Variants in DAB1 observed in about 807,000 individuals in gnomAD.
DAB1 encodes the protein DAB adaptor protein 1, also known as disabled homolog 1.
A neutral mutation model predicts 64.6 loss-of-function variants in DAB1; 15 were observed. The observed-to-expected ratio is 0.23, with a 90% CI of 0.16 to 0.36. DAB1 has a LOEUF of 0.36. Among genes scored for constraint, DAB1 ranks in the 10% least tolerant of loss-of-function variants. The pLI, the probability that DAB1 is intolerant of heterozygous loss-of-function variation, is 1.00. For missense variants in DAB1, 596 were observed against 706.7 expected (o/e 0.84, Z 1.78); for synonymous variants, 235 against 251.9 (o/e 0.93, Z 0.64).
chr1:58,214,214 T>C (rs1334361813), intron 4 of DAB1, among the ~76,000 whole-genome samples: 1 of 152,200 alleles, frequency 6.6e-6, no homozygotes, highest in Non-Finnish European at 1.5e-5. Context: ...AGTCTTTATT[T>C]GGACTATTCT....
chr1:57,033,941 G>A (rs564954557), intron 9 of DAB1, among the ~76,000 whole-genome samples: 13 of 152,290 alleles, frequency 8.5e-5, no homozygotes, highest in Non-Finnish European at 1.8e-4. Context: ...AAACTTTACA[G>A]CTGGTTTCCA....
intron 5 of DAB1, among the ~76,000 whole-genome samples, chr1:58,075,269 C>G (rs978591075): frequency 6.6e-6 from 1 of 152,108 alleles, no homozygotes; most frequent in African/African-American, 2.4e-5. Context: ...AAAGTCTGTT[C>G]AAAAATACTC....
chr1:57,072,548 A>G (rs556349604), intron 4 of DAB1, 134 bp from the exon 5 acceptor site: 15 of 841,540 alleles, frequency 1.8e-5, no homozygotes, highest in Non-Finnish European at 2.5e-5. Flanking sequence ...CCAGATGGAA[A>G]GAAAAAGAGC....
At chr1:57,927,955 C>T (rs555790986) in intron 5 of DAB1, among the ~76,000 whole-genome samples, 62 of 152,258 alleles carry the variant, frequency 4.1e-4, no homozygotes, top group Middle Eastern at 3.4e-3. Flanking sequence ...ATCCACCAAT[C>T]CATGTTATTT....
intron 3 of DAB1, among the ~76,000 whole-genome samples, chr1:58,399,797 T>C (rs1332165182): frequency 6.6e-6 from 1 of 152,108 alleles, no homozygotes; most frequent in Non-Finnish European, 1.5e-5. Context: ...AAATGGAGGC[T>C]CAAAGTGGTG....
chr1:57,109,441 G>T (rs950585846), intron 4 of DAB1, among the ~76,000 whole-genome samples: 1 of 152,100 alleles, frequency 6.6e-6, no homozygotes, highest in Non-Finnish European at 1.5e-5. Flanking sequence ...AACAAACATG[G>T]CTCTCTTCCA....
chr1:57,343,167 CAG>C (rs1219636465), intron 1 of DAB1, among the ~76,000 whole-genome samples: 1 of 152,120 alleles, frequency 6.6e-6, no homozygotes, highest in Non-Finnish European at 1.5e-5. Context: ...TAGCTAGATA[CAG>C]AGTGTCCACA....
intron 7 of DAB1, among the ~76,000 whole-genome samples, chr1:57,599,214 T>C (rs1309495627): frequency 6.6e-6 from 1 of 151,274 alleles, no homozygotes; most frequent in Non-Finnish European, 1.5e-5. Flanking sequence ...TGAAGCTTAA[T>C]AATTTTTTTC....
chr1:57,060,720 G>C (rs1650302973), intron 9 of DAB1, among the ~76,000 whole-genome samples: 1 of 152,072 alleles, frequency 6.6e-6, no homozygotes, highest in East Asian at 1.9e-4. Context: ...GTGGGGAGGG[G>C]TAAAACAAAC....
At chr1:57,311,522 C>CCACACACACACACACACACA (rs3042913) in intron 1 of DAB1, among the ~76,000 whole-genome samples, 4 of 150,070 alleles carry the variant, frequency 2.7e-5, no homozygotes, top group African/African-American at 9.8e-5. Flanking sequence ...CTGCCAACCA[C>CCACACACACACACACACACA]CACACACACA....
chr1:58,092,574 A>C (rs1650734659), intron 5 of DAB1, among the ~76,000 whole-genome samples: 1 of 152,234 alleles, frequency 6.6e-6, no homozygotes, highest in Admixed American at 6.5e-5. Flanking sequence ...GCAGACTTCC[A>C]GGTCCTTTCA....
At chr1:57,820,503 C>T (rs1368137700) in intron 6 of DAB1, among the ~76,000 whole-genome samples, 2 of 152,116 alleles carry the variant, frequency 1.3e-5, no homozygotes, top group Non-Finnish European at 2.9e-5. Flanking sequence ...TTTCGAAGTC[C>T]CATCATGCTG....
chr1:58,296,936 T>A (rs1048251937), intron 4 of DAB1, among the ~76,000 whole-genome samples: 2 of 152,204 alleles, frequency 1.3e-5, no homozygotes, highest in Non-Finnish European at 2.9e-5. Flanking sequence ...AATTAAAATG[T>A]TTCAGATACT....
At chr1:58,344,753 A>G (rs1042597191) in intron 3 of DAB1, among the ~76,000 whole-genome samples, 1 of 152,212 alleles carries the variant, frequency 6.6e-6, no homozygotes, top group African/African-American at 2.4e-5. Flanking sequence ...AACATCACTG[A>G]GAGCCTGTTT....
intron 3 of DAB1, among the ~76,000 whole-genome samples, chr1:58,413,581 G>A (rs909070500): frequency 1.3e-5 from 2 of 152,174 alleles, no homozygotes; most frequent in African/African-American, 4.8e-5. Flanking sequence ...TCTACTCCTG[G>A]TGGCTTGTGC....
chr1:57,865,294 CT>C (rs1331035571), intron 1 of DAB1, among the ~76,000 whole-genome samples: 1 of 152,120 alleles, frequency 6.6e-6, no homozygotes, highest in African/African-American at 2.4e-5. Context: ...AAAGGCAGTC[CT>C]TGTTGAGACA....
At chr1:57,103,332 T>C (rs764309195) in intron 4 of DAB1, among the ~76,000 whole-genome samples, 3 of 152,122 alleles carry the variant, frequency 2.0e-5, no homozygotes, top group Non-Finnish European at 4.4e-5. Context: ...GACAAGTCAG[T>C]GCAGCAGCAG....
intron 4 of DAB1, among the ~76,000 whole-genome samples, chr1:57,104,573 G>C (rs1038382945): frequency 6.6e-6 from 1 of 152,136 alleles, no homozygotes; most frequent in Non-Finnish European, 1.5e-5. Context: ...ATATTTCAGG[G>C]AGACTGTGTA....
intron 1 of DAB1, chr1:57,306,937 G>A (rs1674231920): frequency 6.6e-6 from 1 of 152,160 alleles, no homozygotes; most frequent in African/African-American, 2.4e-5. Context: ...CTGCAGGGTA[G>A]CAAAGGTGAG....
Sources: allele counts gnomAD v4.1 joint callset (sites outside exome capture counted in the v4.1 genomes callset), GRCh38; gene constraint gnomAD v4.1.1; transcripts MANE v1.5; gene names NCBI Gene and HGNC (gene_info 2026-07-23, HGNC 2026-07-21).